ACOXL: variants seen among roughly 807,000 people sequenced by gnomAD.
ACOXL encodes acyl-CoA oxidase like.
Under a neutral mutation model 71.9 loss-of-function variants are expected in ACOXL, and 70 were observed. That is an observed-to-expected ratio of 0.97 (90% CI 0.80 to 1.19). The LOEUF (loss-of-function observed/expected upper bound fraction) is 1.19, where lower values mean the gene tolerates loss of function less well. Ranked by LOEUF, ACOXL falls within the 50% of genes most tolerant of loss-of-function variation. The pLI is 0.00. For missense variants in ACOXL, 703 were observed against 736.3 expected (o/e 0.95, Z 0.52); for synonymous variants, 253 against 281.6 (o/e 0.90, Z 1.02).
chr2:110,858,836 T>C (rs1484454558), intron 10 of ACOXL, among the ~76,000 whole-genome samples: 2 of 152,254 alleles, frequency 1.3e-5, no homozygotes, highest in African/African-American at 4.8e-5. Context: ...CCACCTGTTT[T>C]ATTACAGGTT....
At chr2:111,050,839 G>A (rs1486097631) in intron 16 of ACOXL, among the ~76,000 whole-genome samples, 1 of 152,208 alleles carries the variant, frequency 6.6e-6, no homozygotes, top group Non-Finnish European at 1.5e-5. Context: ...CATCTAGAGT[G>A]AGAGGTGAAA....
At chr2:110,986,251 A>G (rs1333488205) in intron 12 of ACOXL, among the ~76,000 whole-genome samples, 6 of 152,268 alleles carry the variant, frequency 3.9e-5, no homozygotes, top group Admixed American at 3.9e-4. Flanking sequence ...TAATCTGTAT[A>G]AAAACATGCA....
intron 15 of ACOXL, among the ~76,000 whole-genome samples, chr2:111,045,079 T>C (rs905961115): frequency 1.3e-5 from 2 of 152,208 alleles, no homozygotes; most frequent in African/African-American, 4.8e-5. Flanking sequence ...TGAACAGTAC[T>C]GGGACACTTA....
intron 11 of ACOXL, among the ~76,000 whole-genome samples, chr2:110,932,801 G>C (rs1489659491): frequency 2.0e-5 from 3 of 152,200 alleles, no homozygotes; most frequent in Admixed American, 1.3e-4. Flanking sequence ...CCTGTAAATG[G>C]ATTGGAAGAA....
chr2:110,752,223 G>A (rs553152176), intron 1 of ACOXL, among the ~76,000 whole-genome samples: 1 of 152,170 alleles, frequency 6.6e-6, no homozygotes, highest in Admixed American at 6.5e-5. Context: ...GGCCAGGCTG[G>A]TCTTGAACTC....
intron 14 of ACOXL, among the ~76,000 whole-genome samples, chr2:111,029,244 TC>T (rs1002619703): frequency 1.3e-5 from 2 of 152,206 alleles, no homozygotes; most frequent in Non-Finnish European, 2.9e-5. Flanking sequence ...ATTTTTTAAA[TC>T]CCCTCCTGGA....
chr2:110,891,231 T>A (rs1697896700), intron 10 of ACOXL, among the ~76,000 whole-genome samples: 1 of 152,134 alleles, frequency 6.6e-6, no homozygotes, highest in Non-Finnish European at 1.5e-5. Flanking sequence ...TAGAGTTACT[T>A]CTTTTCAAAT....
intron 11 of ACOXL, among the ~76,000 whole-genome samples, chr2:110,916,490 A>G (rs2059865256): frequency 6.6e-6 from 1 of 152,142 alleles, no homozygotes; most frequent in South Asian, 2.1e-4. Context: ...CTAACATCAC[A>G]ATTAAAAGAA....
intron 17 of ACOXL, among the ~76,000 whole-genome samples, chr2:111,097,256 C>G (rs1247035010): frequency 6.6e-6 from 1 of 152,118 alleles, no homozygotes; most frequent in Non-Finnish European, 1.5e-5. Context: ...GCCCCCTGTT[C>G]TCAGAAATAG....
chr2:110,835,368 T>C (rs1429074538), intron 9 of ACOXL, among the ~76,000 whole-genome samples: 2 of 152,198 alleles, frequency 1.3e-5, no homozygotes, highest in Non-Finnish European at 2.9e-5. Flanking sequence ...CCCTGTCTTG[T>C]TGTATTTTTC....
At chr2:111,093,668 C>T (rs2068657091) in intron 17 of ACOXL, 4 of 779,884 alleles carry the variant, frequency 5.1e-6, no homozygotes, top group Admixed American at 6.3e-5. Flanking sequence ...AGTTCGACAC[C>T]ATCTTGGGCA....
intron 17 of ACOXL, among the ~76,000 whole-genome samples, chr2:111,107,059 A>C (rs1210003507): frequency 1.3e-5 from 2 of 152,118 alleles, no homozygotes; most frequent in Non-Finnish European, 2.9e-5. Context: ...CTCCGCTGAC[A>C]CCATGGTGGG....
chr2:110,952,287 T>C (rs1187843891), intron 12 of ACOXL, among the ~76,000 whole-genome samples: 1 of 152,208 alleles, frequency 6.6e-6, no homozygotes, highest in African/African-American at 2.4e-5. Context: ...CCCTTTTCTC[T>C]TTTTAGCCCC....
At chr2:111,034,576 TAAAG>T (rs779969168) in intron 15 of ACOXL, among the ~76,000 whole-genome samples, 60 of 152,154 alleles carry the variant, frequency 3.9e-4, no homozygotes, top group Non-Finnish European at 1.0e-4. Context: ...CTTGGAAGTA[TAAAG>T]AAAGTAATGG....
At chr2:110,980,973 C>T (rs939892573) in intron 12 of ACOXL, among the ~76,000 whole-genome samples, 5 of 152,200 alleles carry the variant, frequency 3.3e-5, no homozygotes, top group Non-Finnish European at 7.3e-5. Context: ...GCCCCTCCCC[C>T]AGCACACCAG....
chr2:111,000,733 A>G (rs1033353217), intron 14 of ACOXL, among the ~76,000 whole-genome samples: 1 of 152,098 alleles, frequency 6.6e-6, no homozygotes, highest in Non-Finnish European at 1.5e-5. Flanking sequence ...CATACCCATG[A>G]TATCTCCCCA....
chr2:111,080,431 T>C (rs2067844064), intron 16 of ACOXL, among the ~76,000 whole-genome samples: 1 of 152,236 alleles, frequency 6.6e-6, no homozygotes, highest in Admixed American at 6.5e-5. Flanking sequence ...TTTGTTCTCA[T>C]TGGTTTCAAG....
Position 110,822,595 on chromosome 2 carries a change from C to T in ACOXL, c.753+17200C>T, listed in dbSNP as rs142552637. 3.0e-3 allele frequency among the ~76,000 whole-genome samples: 455 copies of T among 152,286 alleles called. 4 individuals carry two copies. The highest frequency in any genetic ancestry group is 0.01 in the African/African-American group (435 of 41,556). ...CTCCCTTCAGTGAGGTTGCTTAATACATATGTCATACAGTTATGTTCTTTT... is the reference window on the plus strand; with the variant it reads ...CTCCCTTCAGTGAGGTTGCTTAATATATATGTCATACAGTTATGTTCTTTT... On this transcript the variant is annotated intron_variant, in intron 9 of 17. Transcript: ENST00000439055.
At chr2:110,895,923 C>T (rs1473577597) in intron 10 of ACOXL, among the ~76,000 whole-genome samples, 1 of 151,974 alleles carries the variant, frequency 6.6e-6, no homozygotes. Context: ...AAAGAAAGAA[C>T]CTTGGAACCA....
Sources: gnomAD v4.1 joint callset for allele counts (sites outside exome capture counted in the v4.1 genomes callset) on GRCh38, gnomAD v4.1.1 for gene constraint, MANE v1.5 for transcripts, NCBI Gene and HGNC (gene_info 2026-07-23, HGNC 2026-07-21) for gene names.